Variants in FOXP2 observed in about 807,000 individuals in gnomAD.
FOXP2 encodes the protein forkhead box P2, also known as forkhead box protein P2.
A neutral mutation model predicts 115.8 loss-of-function variants in FOXP2; 12 were observed. The ratio of observed to expected loss-of-function variants is 0.10; its 90% CI spans 0.07 to 0.17. The LOEUF is 0.17. Among genes scored for constraint, FOXP2 ranks in the 10% least tolerant of loss-of-function variants. The pLI is 1.00. For synonymous variants in FOXP2, 328 were observed against 297.7 expected, an observed-to-expected ratio of 1.10 and a Z score of -1.05; for missense variants, 629 against 843.5, an observed-to-expected ratio of 0.75 and a Z score of 3.15.
Position 114,608,156 on chromosome 7 carries a change from C to T in FOXP2, c.259-20384C>T, listed in dbSNP as rs560226026. 2.6e-5 allele frequency among the ~76,000 whole-genome samples: 4 copies of T among 152,266 alleles called. No homozygotes were observed. In the East Asian group the frequency reaches 5.8e-4, roughly 22 times the overall value. The stretch of plus-strand genomic sequence containing the variant: ...TTTTCCAGTGCTATATTGCCAGGTC[C>T]CACAAATTTAGCAACTTAAAACAAT... On this transcript the variant is annotated intron_variant, in intron 3 of 16. Transcript: ENST00000350908.
chr7:114,270,936 C>A (rs1796018412), intron 1 of FOXP2, among the ~76,000 whole-genome samples: 2 of 151,872 alleles, frequency 1.3e-5, no homozygotes, highest in South Asian at 4.2e-4. Context: ...GGGCTATGAT[C>A]CATTTTGAGT....
intron 1 of FOXP2, among the ~76,000 whole-genome samples, chr7:114,148,766 G>A (rs914047888): frequency 6.6e-6 from 1 of 152,100 alleles, no homozygotes; most frequent in Non-Finnish European, 1.5e-5. Flanking sequence ...TCCCTCTTAT[G>A]TTCCTTTTTC....
intron 2 of FOXP2, among the ~76,000 whole-genome samples, chr7:114,493,796 A>G (rs1797182706): frequency 6.6e-6 from 1 of 151,748 alleles, no homozygotes; most frequent in South Asian, 2.1e-4. Context: ...TACGTTGTGG[A>G]TGCTTTCTGC....
At chr7:114,245,043 C>T (rs1199517164) in intron 1 of FOXP2, among the ~76,000 whole-genome samples, 5 of 152,128 alleles carry the variant, frequency 3.3e-5, no homozygotes, top group Admixed American at 6.5e-5. Flanking sequence ...ACCACAAGCG[C>T]GAGCCACCGC....
At chr7:114,239,266 CAT>C (rs1325713219) in intron 1 of FOXP2, among the ~76,000 whole-genome samples, 1 of 151,792 alleles carries the variant, frequency 6.6e-6, no homozygotes, top group African/African-American at 2.4e-5. Context: ...GTAAATGTAA[CAT>C]GTAGTTATTC....
At chr7:114,622,513 T>C (rs1804308733) in intron 3 of FOXP2, among the ~76,000 whole-genome samples, 1 of 151,906 alleles carries the variant, frequency 6.6e-6, no homozygotes, top group Admixed American at 6.6e-5. Flanking sequence ...GGAATTAGCA[T>C]TGTGCAGGTC....
intron 2 of FOXP2, among the ~76,000 whole-genome samples, chr7:114,318,379 G>GTTTTTT (rs201941261): frequency 2.6e-5 from 3 of 116,814 alleles, no homozygotes; most frequent in Non-Finnish European, 3.6e-5. Context: ...GTCTCTCTTT[G>GTTTTTT]TTTTTTTTTT....
intron 3 of FOXP2, among the ~76,000 whole-genome samples, chr7:114,610,707 T>C (rs1803580371): frequency 6.6e-6 from 1 of 152,066 alleles, no homozygotes; most frequent in Non-Finnish European, 1.5e-5. Context: ...TAGAGTCTTG[T>C]TCTGTGACTC....
At chr7:114,407,310 T>C in intron 2 of FOXP2, among the ~76,000 whole-genome samples, 1 of 152,042 alleles carries the variant, frequency 6.6e-6, no homozygotes, top group East Asian at 1.9e-4. Context: ...TTCACTAATA[T>C]AACAATCAAA....
At chr7:114,140,899 A>G (rs999845816) in intron 1 of FOXP2, among the ~76,000 whole-genome samples, 1 of 152,208 alleles carries the variant, frequency 6.6e-6, no homozygotes, top group African/African-American at 2.4e-5. Flanking sequence ...GGATGTTTCA[A>G]CCAGATGTAC....
At chr7:114,678,340 G>A (rs1807886062) in intron 16 of FOXP2, among the ~76,000 whole-genome samples, 1 of 152,152 alleles carries the variant, frequency 6.6e-6, no homozygotes. Flanking sequence ...GCCTGGATGG[G>A]GATACCTGTA....
At chr7:114,569,585 A>G (rs1442166145) in intron 3 of FOXP2, among the ~76,000 whole-genome samples, 2 of 151,950 alleles carry the variant, frequency 1.3e-5, no homozygotes, top group Non-Finnish European at 1.5e-5. Flanking sequence ...GGCTGTTGAC[A>G]AAATAATTTA....
chr7:114,104,700 C>T (rs1430458683), intron 1 of FOXP2, among the ~76,000 whole-genome samples: 1 of 151,882 alleles, frequency 6.6e-6, no homozygotes, highest in Non-Finnish European at 1.5e-5. Flanking sequence ...TAGAATGTTT[C>T]TTGATGTGGC....
At chr7:114,228,044 T>A (rs999416123) in intron 1 of FOXP2, among the ~76,000 whole-genome samples, 2 of 152,076 alleles carry the variant, frequency 1.3e-5, no homozygotes, top group African/African-American at 4.8e-5. Flanking sequence ...TTTCTTATAA[T>A]GCTTCTTAGT....
chr7:114,148,482 C>T (rs1434752735), intron 1 of FOXP2, among the ~76,000 whole-genome samples: 1 of 152,078 alleles, frequency 6.6e-6, no homozygotes, highest in African/African-American at 2.4e-5. Context: ...AGTCTTTTCC[C>T]ACTCACATAT....
rs190332085 is a variant in FOXP2, at chr7:114,642,937, T to G, written c.989+314T>G. Among the ~76,000 whole-genome samples, 926 of 149,368 alleles carry G rather than the reference T, an allele frequency of 6.2e-3. 8 individuals carry two copies. Among genetic ancestry groups the G allele is most frequent in the African/African-American group, 0.021 (857 of 40,648 alleles). The stretch of plus-strand genomic sequence containing the variant: ...CATTCTCCTGCCCCAGCCTCCCGAG[T>G]AGCTGGGACTACAGGCGCCCGCCCC... On this transcript the variant is annotated intron_variant, in intron 7 of 16. Coordinates refer to ENST00000350908, the MANE Select transcript of FOXP2 (RefSeq NM_014491.4).
intron 2 of FOXP2, among the ~76,000 whole-genome samples, chr7:114,303,023 C>G (rs1041507484): frequency 6.6e-6 from 1 of 152,072 alleles, no homozygotes; most frequent in Non-Finnish European, 1.5e-5. Flanking sequence ...TGTGAGAGCC[C>G]GAGCAGATGA....
At chr7:114,260,237 C>A (rs905212854) in intron 1 of FOXP2, among the ~76,000 whole-genome samples, 4 of 150,992 alleles carry the variant, frequency 2.6e-5, no homozygotes, top group African/African-American at 9.8e-5. Flanking sequence ...AACAACAACA[C>A]CGCCAAAAAA....
chr7:114,582,867 C>T (rs1381218637), intron 3 of FOXP2, among the ~76,000 whole-genome samples: 2 of 152,178 alleles, frequency 1.3e-5, no homozygotes, highest in Admixed American at 6.5e-5. Context: ...AAACCAACCA[C>T]TGAATCTGCC....
Sources: gnomAD v4.1 joint callset for allele counts (sites outside exome capture counted in the v4.1 genomes callset) on GRCh38, gnomAD v4.1.1 for gene constraint, MANE v1.5 for transcripts, NCBI Gene and HGNC (gene_info 2026-07-23, HGNC 2026-07-21) for gene names.